Variants in ADAMTS3 observed in about 807,000 individuals in gnomAD.
ADAMTS3 encodes A disintegrin and metalloproteinase with thrombospondin motifs 3.
ADAMTS3 carries 73 observed loss-of-function variants against 129.0 expected under a neutral mutation model. That is an observed-to-expected ratio of 0.57 (90% CI 0.47 to 0.69). The LOEUF is 0.69. ADAMTS3 is among the 30% of genes least tolerant of loss of function. The probability of loss-of-function intolerance (pLI) is 0.00; values close to 1 mark genes in which losing one functional copy is unlikely to be tolerated. For missense variants in ADAMTS3, 1,457 were observed against 1,514.5 expected (o/e 0.96, Z 0.63); for synonymous variants, 477 against 510.8 (o/e 0.93, Z 0.89).
At chr4:72,486,126 T>C (rs1267067627) in intron 3 of ADAMTS3, among the ~76,000 whole-genome samples, 1 of 152,194 alleles carries the variant, frequency 6.6e-6, no homozygotes, top group Non-Finnish European at 1.5e-5. Flanking sequence ...AGTAGTAGAC[T>C]TACATGTTAT....
At chr4:72,466,682 T>C (rs1157706539) in intron 3 of ADAMTS3, among the ~76,000 whole-genome samples, 1 of 152,066 alleles carries the variant, frequency 6.6e-6, no homozygotes, top group Non-Finnish European at 1.5e-5. Flanking sequence ...GTAGGCTCCA[T>C]GTAATCTAAT....
chr4:72,455,197 C>T (rs1012341125), intron 3 of ADAMTS3, among the ~76,000 whole-genome samples: 2 of 151,208 alleles, frequency 1.3e-5, no homozygotes, highest in Non-Finnish European at 3.0e-5. Context: ...AGCAAAGAAG[C>T]GATTAAAGTA....
intron 3 of ADAMTS3, among the ~76,000 whole-genome samples, chr4:72,521,952 G>A (rs1212786397): frequency 6.6e-6 from 1 of 152,116 alleles, no homozygotes; most frequent in Non-Finnish European, 1.5e-5. Context: ...TTCTAATTGA[G>A]GTGGCTCTAA....
intron 2 of ADAMTS3, among the ~76,000 whole-genome samples, chr4:72,564,695 G>A (rs1035140819): frequency 2.6e-5 from 4 of 152,064 alleles, no homozygotes; most frequent in African/African-American, 7.2e-5. Context: ...GAAGGAAGGA[G>A]GCAATATCCT....
At position 72,548,730 on chromosome 4, in the gene ADAMTS3, G is replaced by A. The variant is rs1721533512; in HGVS notation, c.252C>T (p.Ile84=). Residue 84 remains isoleucine (I), a synonymous_variant, in exon 3 of 22, where the codon ATC becomes ATT. Coordinates refer to ENST00000286657, the MANE Select transcript of ADAMTS3 (RefSeq NM_014243.3). ...SSNPEQLFFN[I]TAFGKDFHLR... ...GATGAAAATCTTTTCCAAATGCCGT[G>A]ATGTTAAAGAACAACTGCTCAGGGT... 2 of 1,613,836 alleles carry A rather than the reference G, an allele frequency of 1.2e-6. No individual in the cohort carries two copies. The highest frequency in any genetic ancestry group is 1.7e-6 in the Non-Finnish European group (2 of 1,179,922).
chr4:72,401,324 T>C (rs1414390292), intron 4 of ADAMTS3, among the ~76,000 whole-genome samples: 1 of 151,862 alleles, frequency 6.6e-6, no homozygotes, highest in Non-Finnish European at 1.5e-5. Context: ...CCCAGCACTT[T>C]GGGAGGCTGA....
intron 3 of ADAMTS3, among the ~76,000 whole-genome samples, chr4:72,499,448 C>A (rs768698716): frequency 3.9e-5 from 6 of 152,040 alleles, no homozygotes; most frequent in Non-Finnish European, 8.8e-5. Context: ...AATATAAATT[C>A]CACTAAAAAA....
intron 4 of ADAMTS3, among the ~76,000 whole-genome samples, chr4:72,374,084 T>C (rs1358216711): frequency 6.6e-6 from 1 of 152,092 alleles, no homozygotes; most frequent in African/African-American, 2.4e-5. Flanking sequence ...AATAATATGC[T>C]AGAATAAGCA....
At chr4:72,540,196 G>A (rs113458898) in intron 3 of ADAMTS3, among the ~76,000 whole-genome samples, 28 of 152,244 alleles carry the variant, frequency 1.8e-4, no homozygotes, top group African/African-American at 6.5e-4. Context: ...AGATGGAGAT[G>A]AGGAACTTGT....
At chr4:72,366,185 C>A (rs574955491) in intron 4 of ADAMTS3, among the ~76,000 whole-genome samples, 1 of 152,286 alleles carries the variant, frequency 6.6e-6, no homozygotes, top group African/African-American at 2.4e-5. Flanking sequence ...CACAAAATAG[C>A]TCACATGTCT....
rs572798640 is a variant in ADAMTS3 at position 72,406,744 on chromosome 4, G to T, written c.661+8071C>A. On this transcript the variant is annotated intron_variant, in intron 4 of 21. Coordinates refer to ENST00000286657, the MANE Select transcript of ADAMTS3 (RefSeq NM_014243.3). ...ATATGACAAATCCAAATAAAGTAGG[G>T]TTTTTATTCCACAATAAGAATCCAG... 2.0e-3 allele frequency among the ~76,000 whole-genome samples: 307 copies of T among 152,154 alleles called. 3 individuals are homozygous for T. Among genetic ancestry groups the T allele is most frequent in the African/African-American group, 7.2e-3 (298 of 41,506 alleles).
chr4:72,439,099 C>A (rs1201579975), intron 3 of ADAMTS3, among the ~76,000 whole-genome samples: 1 of 151,604 alleles, frequency 6.6e-6, no homozygotes, highest in Non-Finnish European at 1.5e-5. Flanking sequence ...TAGGTAAAGT[C>A]AAAATTAAGT....
At chr4:72,408,848 A>G (rs1252478466) in intron 4 of ADAMTS3, among the ~76,000 whole-genome samples, 1 of 151,710 alleles carries the variant, frequency 6.6e-6, no homozygotes, top group East Asian at 1.9e-4. Flanking sequence ...AGACCATAAA[A>G]CCAAACACCA....
chr4:72,354,699 C>T (rs1720530545), intron 4 of ADAMTS3, among the ~76,000 whole-genome samples: 1 of 152,000 alleles, frequency 6.6e-6, no homozygotes, highest in Non-Finnish European at 1.5e-5. Context: ...ATTCGCTTAT[C>T]TCAACATAAT....
chr4:72,549,065 A>G (rs915748003), intron 2 of ADAMTS3, among the ~76,000 whole-genome samples, 181 bp from the exon 3 acceptor site: 1 of 152,224 alleles, frequency 6.6e-6, no homozygotes, highest in South Asian at 2.1e-4. Context: ...AATGCATTTA[A>G]GTAACCCTGT....
chr4:72,517,488 C>T (rs1286498489), intron 3 of ADAMTS3, among the ~76,000 whole-genome samples: 1 of 152,146 alleles, frequency 6.6e-6, no homozygotes, highest in Non-Finnish European at 1.5e-5. Flanking sequence ...GGTTAGTAAG[C>T]TATTGATTAT....
In ADAMTS3 at chr4:72,417,673, G is replaced by A. The variant is rs576074082; in HGVS notation, c.505-2702C>T. On this transcript the variant is annotated intron_variant, in intron 3 of 21. Transcript: ENST00000286657. ...AGGCTGGGCGCAGTGGCTCACACCT[G>A]TAATCCCAGCATTTTGGGACGCCGA... Among the ~76,000 whole-genome samples the A allele has an allele frequency of 7.2e-5, 11 of 152,092 alleles. No individual in the cohort carries two copies. The East Asian group carries it at 2.1e-3, about 30-fold the overall frequency.
At chr4:72,426,555 T>C (rs1722578714) in intron 3 of ADAMTS3, among the ~76,000 whole-genome samples, 1 of 152,056 alleles carries the variant, frequency 6.6e-6, no homozygotes, top group Non-Finnish European at 1.5e-5. Flanking sequence ...CATTGATTTG[T>C]AAAATATAAA....
At position 72,463,632 on chromosome 4, in the gene ADAMTS3, G is replaced by C. The variant is rs185475161; in HGVS notation, c.505-48661C>G. Among the ~76,000 whole-genome samples, 3 of 150,326 alleles carry C rather than the reference G, an allele frequency of 2.0e-5. No individual in the cohort carries two copies. In the East Asian group the frequency reaches 5.9e-4, roughly 30 times the overall value. ...CTGCCACTGCCCAAAAATAATGGTGGGATTTAGTTGACATTTTTTTACTAT... is the reference window on the plus strand; with the variant it reads ...CTGCCACTGCCCAAAAATAATGGTGCGATTTAGTTGACATTTTTTTACTAT... On this transcript the variant is annotated intron_variant, in intron 3 of 21. Coordinates refer to ENST00000286657, the MANE Select transcript of ADAMTS3 (RefSeq NM_014243.3).
Sources: allele counts gnomAD v4.1 joint callset (sites outside exome capture counted in the v4.1 genomes callset), GRCh38; gene constraint gnomAD v4.1.1; transcripts MANE v1.5; gene names NCBI Gene and HGNC (gene_info 2026-07-23, HGNC 2026-07-21).